Variants in STX18 observed in about 807,000 individuals in gnomAD.
STX18 encodes the protein syntaxin-18.
In STX18, 40 loss-of-function variants were observed where a neutral mutation model predicts 50.1. The observed-to-expected ratio is 0.80, with a 90% CI of 0.62 to 1.04. The LOEUF (loss-of-function observed/expected upper bound fraction) is 1.04, where lower values mean the gene tolerates loss of function less well. Among genes scored for constraint, STX18 ranks in the 50% least tolerant of loss-of-function variants. The pLI, the probability that STX18 is intolerant of heterozygous loss-of-function variation, is 0.00. For missense variants in STX18, 410 were observed against 415.8 expected (o/e 0.99, Z 0.12); for synonymous variants, 158 against 151.8 (o/e 1.04, Z -0.30).
At chr4:4,535,276 G>C (rs1205788491) in intron 1 of STX18, among the ~76,000 whole-genome samples, 1 of 152,110 alleles carries the variant, frequency 6.6e-6, no homozygotes, top group Non-Finnish European at 1.5e-5. Context: ...GTGTTTATTG[G>C]ATGATGGTAT....
At chr4:4,424,829 C>T (rs1725159902) in intron 8 of STX18, among the ~76,000 whole-genome samples, 1 of 152,134 alleles carries the variant, frequency 6.6e-6, no homozygotes, top group Non-Finnish European at 1.5e-5. Flanking sequence ...CATAAGGGCC[C>T]CATTTCATTT....
chr4:4,516,613 A>T (rs1293233493), intron 1 of STX18, among the ~76,000 whole-genome samples: 1 of 152,196 alleles, frequency 6.6e-6, no homozygotes, highest in Non-Finnish European at 1.5e-5. Context: ...AAACATCAAC[A>T]TTCTGCATTT....
chr4:4,488,026 G>GT (rs546824969), intron 1 of STX18, among the ~76,000 whole-genome samples: 237 of 147,766 alleles, frequency 1.6e-3, no homozygotes, highest in Non-Finnish European at 2.4e-3. Flanking sequence ...GTTAAAAGTT[G>GT]TTTTTTTTTT....
In STX18 at chr4:4,438,426, G is replaced by A. The variant is rs1725906706; in HGVS notation, c.581C>T (p.Ser194Phe). ...TTCTTCAGTGGCAGGGTTTTCTTCA[G>A]AGTCTTTTGAAGGACTCTGTGAAAC... The part of the protein sequence containing the change: ...EKVSQSPSKD[S>F]EENPATEERP... Residue 194 changes from serine (S) to phenylalanine (F), a missense_variant, in exon 6 of 11, where the codon TCT becomes TTT. By Grantham distance (155) the Ser-to-Phe change is radical. Transcript: ENST00000306200. 6.2e-7 allele frequency: 1 copy of A among 1,613,718 alleles called. No individual in the cohort carries two copies. Among genetic ancestry groups the A allele is most frequent in the Non-Finnish European group, 8.5e-7 (1 of 1,179,780 alleles).
intron 7 of STX18, chr4:4,425,655 G>C (rs569815685): frequency 6.0e-6 from 1 of 166,292 alleles, no homozygotes; most frequent in South Asian, 1.7e-4. Flanking sequence ...TGTGGGGAGG[G>C]TCTGGAGAGG....
intron 1 of STX18, among the ~76,000 whole-genome samples, chr4:4,487,656 C>A (rs140922291): frequency 1.3e-4 from 20 of 152,298 alleles, no homozygotes; most frequent in African/African-American, 3.8e-4. Flanking sequence ...TCGCCTCCCC[C>A]CTGCCAAACC....
chr4:4,501,859 G>T (rs1057023813), intron 1 of STX18, among the ~76,000 whole-genome samples: 1 of 152,180 alleles, frequency 6.6e-6, no homozygotes, highest in Non-Finnish European at 1.5e-5. Flanking sequence ...CATAAAACCA[G>T]ATGCCACAGC....
Position 4,459,374 on chromosome 4 carries a change from T to C in STX18, c.350A>G (p.Glu117Gly). The change falls in exon 3 of 11, where the codon GAA becomes GGA. Residue 117 changes from glutamate to glycine, a missense_variant and splice_region_variant. Physicochemically the swap from Glu to Gly is moderately conservative, Grantham distance 98. Transcript: ENST00000306200. ...TTGCATCTTTCAGAGCACTTTACCT[T>C]CTGTTCGTAGTTGCTGAATTGCTTC... ...CSEAIQQLRTEAHKEIHSQQV... is the reference protein window; with the variant it reads ...CSEAIQQLRTGAHKEIHSQQV... 1 of 1,612,172 alleles carries C rather than the reference T, an allele frequency of 6.2e-7. No individual in the cohort carries two copies. Among genetic ancestry groups the C allele is most frequent in the Non-Finnish European group, 8.5e-7 (1 of 1,178,328 alleles).
At chr4:4,505,659 C>T (rs1409837369) in intron 1 of STX18, among the ~76,000 whole-genome samples, 1 of 151,402 alleles carries the variant, frequency 6.6e-6, no homozygotes, top group African/African-American at 2.4e-5. Context: ...CATGGTGGTG[C>T]ACATCTGTAA....
intron 1 of STX18, among the ~76,000 whole-genome samples, chr4:4,497,772 G>T (rs950690068): frequency 6.6e-6 from 1 of 152,088 alleles, no homozygotes; most frequent in Non-Finnish European, 1.5e-5. Context: ...TACAAATAAG[G>T]TCTGCCAGTA....
At chr4:4,446,674 C>G (rs1006055195) in intron 5 of STX18, among the ~76,000 whole-genome samples, 2 of 152,240 alleles carry the variant, frequency 1.3e-5, no homozygotes, top group Non-Finnish European at 2.9e-5. Context: ...TGTGGAGGAA[C>G]TGTAACTTTC....
chr4:4,447,075 T>C (rs1182371790), intron 5 of STX18, among the ~76,000 whole-genome samples: 1 of 152,230 alleles, frequency 6.6e-6, no homozygotes, highest in East Asian at 1.9e-4. Context: ...TGCTCCATGT[T>C]TGACACTAGG....
intron 1 of STX18, among the ~76,000 whole-genome samples, chr4:4,491,868 T>C (rs1361772864): frequency 1.3e-5 from 2 of 152,128 alleles, no homozygotes; most frequent in African/African-American, 2.4e-5. Context: ...AAAGACTTCT[T>C]TTTTTAGCCA....
intron 1 of STX18, among the ~76,000 whole-genome samples, chr4:4,520,874 G>C (rs911891774): frequency 1.3e-5 from 2 of 152,166 alleles, no homozygotes; most frequent in African/African-American, 2.4e-5. Context: ...GAAAACATAA[G>C]ATGTCCACAT....
chr4:4,460,279 C>A (rs752650836), intron 2 of STX18, among the ~76,000 whole-genome samples: 6 of 152,160 alleles, frequency 3.9e-5, no homozygotes, highest in Non-Finnish European at 7.3e-5. Flanking sequence ...ATTAATAAAT[C>A]AGTAATAAAT....
At chr4:4,423,917 C>A in intron 8 of STX18, 1 of 353,574 alleles carries the variant, frequency 2.8e-6, no homozygotes, top group Non-Finnish European at 5.2e-6. Context: ...CTGGTTGTGC[C>A]CCAGTTACAG....
chr4:4,490,445 C>T (rs964933086), intron 1 of STX18, among the ~76,000 whole-genome samples: 13 of 152,126 alleles, frequency 8.5e-5, no homozygotes, highest in East Asian at 1.9e-4. Context: ...TTTCAGATTA[C>T]GGTTTTAAAT....
chr4:4,479,032 G>A (rs1728333643), intron 1 of STX18: 1 of 152,386 alleles, frequency 6.6e-6, no homozygotes, highest in South Asian at 2.1e-4. Context: ...TTTGCCAGCT[G>A]AAATTTTGAG....
In STX18 at chr4:4,419,853, G is replaced by C. The variant is rs1037909703; in HGVS notation, c.*181C>G. ...TTCCTTTTTCAGCTGCTAAATGGCTGAACACCATCGGCCTGGGGTATCCCT... is the reference window on the plus strand; with the variant it reads ...TTCCTTTTTCAGCTGCTAAATGGCTCAACACCATCGGCCTGGGGTATCCCT... On this transcript the variant is annotated 3_prime_UTR_variant, in exon 11 of 11. Transcript: ENST00000306200. 2.2e-5 allele frequency: 13 copies of C among 584,054 alleles called. No individual in the cohort carries two copies. Among genetic ancestry groups the C allele is most frequent in the Non-Finnish European group, 3.6e-5 (12 of 331,544 alleles). The allele number at this position is 584,054 out of a possible 1,614,324, so 36.2% of individuals were successfully genotyped here.
Sources: allele counts gnomAD v4.1 joint callset (sites outside exome capture counted in the v4.1 genomes callset), GRCh38; gene constraint gnomAD v4.1.1; transcripts MANE v1.5; gene names NCBI Gene and HGNC (gene_info 2026-07-23, HGNC 2026-07-21).